Variants in DHRSX observed in about 807,000 individuals in gnomAD.
DHRSX encodes the protein dehydrogenase/reductase X-linked.
DHRSX carries 31 observed loss-of-function variants against 34.0 expected under a neutral mutation model. That is an observed-to-expected ratio of 0.91 (90% CI 0.69 to 1.23). The LOEUF (loss-of-function observed/expected upper bound fraction) is 1.23, where lower values mean the gene tolerates loss of function less well. DHRSX is among the 50% of genes most tolerant of loss of function. DHRSX has a pLI of 0.00. For missense variants in DHRSX, 414 were observed against 428.1 expected (o/e 0.97, Z 0.29); for synonymous variants, 201 against 183.8 (o/e 1.09, Z -0.76).
intron 3 of DHRSX, among the ~76,000 whole-genome samples, chrX:2,382,838 C>T (rs1168522109): frequency 1.8e-5 from 2 of 111,096 alleles, no homozygotes; most frequent in South Asian, 3.1e-4. Context: ...CCATCATCAT[C>T]GCCATCATCA....
chrX:2,490,187 C>G, intron 1 of DHRSX: 1 of 1,613,978 alleles, frequency 6.2e-7, no homozygotes, highest in Non-Finnish European at 8.5e-7. Context: ...CCGGACGGCC[C>G]CGTACTTCTC....
At chrX:2,480,573 C>G (rs910904940) in intron 1 of DHRSX, among the ~76,000 whole-genome samples, 1 of 151,508 alleles carries the variant, frequency 6.6e-6, no homozygotes, top group Non-Finnish European at 1.5e-5. Context: ...GTCCCAGCTA[C>G]TTGGGAGGCT....
intron 1 of DHRSX, among the ~76,000 whole-genome samples, chrX:2,475,188 C>T (rs2044658885): frequency 6.6e-6 from 1 of 151,580 alleles, no homozygotes; most frequent in Non-Finnish European, 1.5e-5. Flanking sequence ...GCCATGTGCA[C>T]ACTGAAGACA....
At chrX:2,431,151 C>T (rs140320361) in intron 1 of DHRSX, among the ~76,000 whole-genome samples, 11,421 of 151,966 alleles carry the variant, frequency 0.075, 734 homozygotes, top group African/African-American at 0.17. Context: ...CGGTGAAACC[C>T]GGTCTCTACT....
intron 5 of DHRSX, among the ~76,000 whole-genome samples, chrX:2,265,885 G>A (rs1179769505): frequency 9.0e-4 from 65 of 72,170 alleles, no homozygotes; most frequent in East Asian, 3.3e-3. Flanking sequence ...AATGCTCGGC[G>A]GACACAGGGA....
chrX:2,394,619 G>A (rs769166947), intron 3 of DHRSX, among the ~76,000 whole-genome samples: 2 of 152,146 alleles, frequency 1.3e-5, no homozygotes, highest in Non-Finnish European at 2.9e-5. Flanking sequence ...TGTAATCCCA[G>A]CACTTTGGGA....
intron 3 of DHRSX, among the ~76,000 whole-genome samples, chrX:2,384,078 G>A (rs1194859100): frequency 2.0e-5 from 3 of 152,194 alleles, no homozygotes; most frequent in Non-Finnish European, 4.4e-5. Flanking sequence ...AGCAGGTAAG[G>A]GATAGGTGTG....
intron 2 of DHRSX, among the ~76,000 whole-genome samples, chrX:2,414,919 T>TA (rs2043674967): frequency 6.6e-6 from 1 of 151,162 alleles, no homozygotes; most frequent in South Asian, 2.1e-4. Flanking sequence ...CATCATGACC[T>TA]AACCAAACTG....
At chrX:2,229,451 T>C (rs1390398084) in intron 6 of DHRSX, among the ~76,000 whole-genome samples, 2 of 152,070 alleles carry the variant, frequency 1.3e-5, no homozygotes, top group East Asian at 3.9e-4. Flanking sequence ...CTCTTGCCTC[T>C]CTGTACCTGC....
chrX:2,253,269 T>C (rs2016478164), intron 5 of DHRSX, among the ~76,000 whole-genome samples: 1 of 150,262 alleles, frequency 6.7e-6, no homozygotes, highest in Admixed American at 6.6e-5. Context: ...GAGGCGGACG[T>C]GGTCGTGAGC....
intron 4 of DHRSX, among the ~76,000 whole-genome samples, chrX:2,282,515 G>A (rs944809520): frequency 6.8e-6 from 1 of 147,544 alleles, no homozygotes; most frequent in Non-Finnish European, 1.5e-5. Flanking sequence ...AGAGACAAGG[G>A]GAGAGACAGG....
intron 1 of DHRSX, among the ~76,000 whole-genome samples, chrX:2,441,331 G>C (rs1603097157): frequency 6.6e-6 from 1 of 152,278 alleles, no homozygotes; most frequent in Admixed American, 6.5e-5. Flanking sequence ...AATGTGTTTT[G>C]ACGTGTCTTC....
intron 1 of DHRSX, among the ~76,000 whole-genome samples, chrX:2,481,734 T>A (rs1232304832): frequency 1.3e-5 from 2 of 151,072 alleles, no homozygotes; most frequent in Non-Finnish European, 1.5e-5. Flanking sequence ...GCACACGAGG[T>A]CGTCTCACAA....
chrX:2,298,624 A>ACACACGCACACACACACGTACACACGCG (rs2041970973), intron 3 of DHRSX, among the ~76,000 whole-genome samples: 1 of 146,902 alleles, frequency 6.8e-6, no homozygotes, highest in African/African-American at 2.7e-5. Flanking sequence ...ACACACACAC[A>ACACACGCACACACACACGTACACACGCG]CACACACACA....
At chrX:2,332,981 G>GA (rs200281625) in intron 3 of DHRSX, among the ~76,000 whole-genome samples, 2,585 of 152,094 alleles carry the variant, frequency 0.017, 39 homozygotes, top group Non-Finnish European at 0.024. Context: ...TCATTTTGTT[G>GA]AAAAAAAGTT....
chrX:2,481,665 A>T (rs2044773408), intron 1 of DHRSX, among the ~76,000 whole-genome samples: 1 of 142,214 alleles, frequency 7.0e-6, no homozygotes, highest in Non-Finnish European at 1.6e-5. Flanking sequence ...AAACTGTCTT[A>T]AAAAAAAAAA....
At chrX:2,266,463 T>C (rs866231391) in intron 5 of DHRSX, among the ~76,000 whole-genome samples, 75 of 70,750 alleles carry the variant, frequency 1.1e-3, no homozygotes, top group African/African-American at 1.4e-3. Flanking sequence ...GAAGCACTGT[T>C]CCCAGAGCAC....
At chrX:2,246,693 G>GAAAGA (rs2016293948) in intron 5 of DHRSX, among the ~76,000 whole-genome samples, 4 of 66,540 alleles carry the variant, frequency 6.0e-5, no homozygotes, top group African/African-American at 2.0e-4. Context: ...AAAAAGAAAA[G>GAAAGA]AAAAGAAAGA....
At chrX:2,293,893 A>G (rs1438829854) in intron 3 of DHRSX, among the ~76,000 whole-genome samples, 1 of 152,144 alleles carries the variant, frequency 6.6e-6, no homozygotes, top group African/African-American at 2.4e-5. Flanking sequence ...ATTTTATGAC[A>G]GACACACCTT....
Sources: allele counts gnomAD v4.1 joint callset (sites outside exome capture counted in the v4.1 genomes callset), GRCh38; gene constraint gnomAD v4.1.1; transcripts MANE v1.5; gene names NCBI Gene and HGNC (gene_info 2026-07-23, HGNC 2026-07-21).